The following FSTL5 variants were observed in gnomAD, a reference collection of about 807,000 sequenced individuals.
FSTL5 encodes the protein follistatin like 5.
A neutral mutation model predicts 89.1 loss-of-function variants in FSTL5; 62 were observed. The ratio of observed to expected loss-of-function variants is 0.70; its 90% confidence interval spans 0.57 to 0.86. The LOEUF (loss-of-function observed/expected upper bound fraction) is 0.86, where lower values mean the gene tolerates loss of function less well. Among genes scored for constraint, FSTL5 ranks in the 40% least tolerant of loss-of-function variants. The pLI is 0.00. For missense variants in FSTL5, 1,057 were observed against 1,001.6 expected (o/e 1.06, Z -0.75); for synonymous variants, 383 against 346.2 (o/e 1.11, Z -1.18).
chr4:161,920,637 T>C lies in FSTL5; in HGVS notation c.176A>G (p.Asp59Gly). 6.2e-7 allele frequency: 1 copy of C among 1,604,858 alleles called. No individual in the cohort carries two copies. Among genetic ancestry groups the C allele is most frequent in the Non-Finnish European group, 8.5e-7 (1 of 1,177,810 alleles). ...SSRVKGFMIQ[D>G]GPFGSCENKY... ...ATTTTCACAAGATCCAAAAGGGCCA[T>C]CCTGAATCATAAATCCTGAAGAATT... Residue 59 changes from aspartate (D) to glycine (G), a missense_variant, in exon 4 of 16, where the codon GAT becomes GGT. Physicochemically the swap from Asp to Gly is moderately conservative, Grantham distance 94. Coordinates refer to ENST00000306100, the MANE Select transcript of FSTL5 (RefSeq NM_020116.5).
At position 162,028,237 on chromosome 4, in the gene FSTL5, A is replaced by G. The variant is rs1429382252; in HGVS notation, c.160+5388T>C. ...ATCTTACAAACAATGATTAACTTCA[A>G]AAATAACTTTTTGGACTAAAAGTTA... On this transcript the variant is annotated intron_variant, in intron 3 of 15. Coordinates refer to ENST00000306100, the MANE Select transcript of FSTL5 (RefSeq NM_020116.5). 5.9e-5 allele frequency among the ~76,000 whole-genome samples: 9 copies of G among 152,304 alleles called. No homozygotes were observed. The South Asian group carries it at 1.9e-3, about 32-fold the overall frequency.
chr4:161,844,640 G>T (rs758912155), intron 4 of FSTL5, among the ~76,000 whole-genome samples: 17 of 152,166 alleles, frequency 1.1e-4, no homozygotes, highest in Middle Eastern at 3.4e-3. Context: ...CCTTTTGCAG[G>T]GACATGGATG....
chr4:161,466,624 C>T (rs1398501360), intron 13 of FSTL5, among the ~76,000 whole-genome samples: 5 of 152,112 alleles, frequency 3.3e-5, no homozygotes, highest in Non-Finnish European at 4.4e-5. Flanking sequence ...ACTCCATAGA[C>T]CATAAAATGA....
chr4:162,114,989 C>G (rs956477880), intron 1 of FSTL5, among the ~76,000 whole-genome samples: 1 of 152,104 alleles, frequency 6.6e-6, no homozygotes, highest in African/African-American at 2.4e-5. Flanking sequence ...GATTGATTTA[C>G]TGGTATCACA....
intron 6 of FSTL5, among the ~76,000 whole-genome samples, chr4:161,735,791 G>A (rs76630145): frequency 6.6e-6 from 1 of 151,970 alleles, no homozygotes; most frequent in African/African-American, 2.4e-5. Flanking sequence ...GTACAGACTC[G>A]CCAGGATATT....
At chr4:162,161,256 G>A (rs532972265) in intron 1 of FSTL5, among the ~76,000 whole-genome samples, 6 of 151,776 alleles carry the variant, frequency 4.0e-5, no homozygotes, top group African/African-American at 7.2e-5. Flanking sequence ...TTTCTTTGTG[G>A]ATCAAAGACT....
intron 1 of FSTL5, among the ~76,000 whole-genome samples, chr4:162,155,407 C>G (rs777683316): frequency 6.6e-6 from 1 of 152,126 alleles, no homozygotes; most frequent in Non-Finnish European, 1.5e-5. Flanking sequence ...AATAAAAACC[C>G]AGGGCTGGCA....
chr4:162,144,225 G>C (rs1007845528), intron 1 of FSTL5, among the ~76,000 whole-genome samples: 1 of 152,086 alleles, frequency 6.6e-6, no homozygotes, highest in Non-Finnish European at 1.5e-5. Context: ...AAGCATGTAC[G>C]CAAGGAACAA....
chr4:161,481,078 G>A lies in FSTL5; in HGVS notation c.1550C>T (p.Ala517Val), dbSNP rs1174499057. 6.2e-7 allele frequency: 1 copy of A among 1,613,116 alleles called. No individual in the cohort carries two copies. Among genetic ancestry groups the A allele is most frequent in the Non-Finnish European group, 8.5e-7 (1 of 1,179,390 alleles). Residue 517 changes from alanine to valine, a missense_variant, in exon 13 of 16, where the codon GCA becomes GTA. Physicochemically the swap from Ala to Val is moderately conservative, Grantham distance 64. Coordinates refer to ENST00000306100, the MANE Select transcript of FSTL5 (RefSeq NM_020116.5). Reference protein sequence around the residue: ...VNVKDKFIYVAQPTLDRVLIV... With the variant: ...VNVKDKFIYVVQPTLDRVLIV... ...AAGGACTCTGTCCAAAGTTGGCTGT[G>A]CAACATAAATGAACTTGTCTTTGAC...
intron 2 of FSTL5, among the ~76,000 whole-genome samples, chr4:162,094,505 G>T (rs1217846489): frequency 6.6e-6 from 1 of 152,076 alleles, no homozygotes; most frequent in Non-Finnish European, 1.5e-5. Context: ...AATTGCGCAT[G>T]AATTTTGTAT....
intron 4 of FSTL5, among the ~76,000 whole-genome samples, chr4:161,836,215 A>G (rs545455087): frequency 6.6e-6 from 1 of 150,662 alleles, no homozygotes; most frequent in Admixed American, 6.6e-5. Context: ...CAAAAAAACA[A>G]CCACTGCATA....
intron 6 of FSTL5, among the ~76,000 whole-genome samples, chr4:161,754,480 TA>T (rs893162443): frequency 2.6e-5 from 4 of 152,132 alleles, no homozygotes; most frequent in Non-Finnish European, 4.4e-5. Flanking sequence ...CATACAGTTT[TA>T]AAAGTTCATA....
At chr4:161,432,862 T>C (rs906252106) in intron 15 of FSTL5, among the ~76,000 whole-genome samples, 1 of 151,860 alleles carries the variant, frequency 6.6e-6, no homozygotes, top group African/African-American at 2.4e-5. Flanking sequence ...ATACATACAA[T>C]CTACCAAGAT....
At chr4:162,107,257 A>G (rs868292247) in intron 2 of FSTL5, among the ~76,000 whole-genome samples, 1 of 152,160 alleles carries the variant, frequency 6.6e-6, no homozygotes, top group African/African-American at 2.4e-5. Flanking sequence ...AAATTAGTAA[A>G]TATCTATGAA....
chr4:161,650,749 T>C (rs1000766052), intron 7 of FSTL5, among the ~76,000 whole-genome samples: 1 of 152,166 alleles, frequency 6.6e-6, no homozygotes, highest in African/African-American at 2.4e-5. Context: ...AAAACTAAAA[T>C]TGAAATCTAG....
At chr4:161,439,529 A>G (rs1560895816) in intron 15 of FSTL5, among the ~76,000 whole-genome samples, 1 of 152,228 alleles carries the variant, frequency 6.6e-6, no homozygotes, top group Non-Finnish European at 1.5e-5. Flanking sequence ...GGTTGTTATG[A>G]TTAAAAATGG....
chr4:161,711,119 A>G (rs1475784694), intron 6 of FSTL5, among the ~76,000 whole-genome samples: 1 of 149,634 alleles, frequency 6.7e-6, no homozygotes, highest in Non-Finnish European at 1.5e-5. Flanking sequence ...TAATAACCTA[A>G]TCTTCTGCCT....
chr4:161,538,381 T>C (rs909274285), intron 9 of FSTL5, 81 bp from the exon 10 acceptor site: 3 of 1,462,166 alleles, frequency 2.1e-6, no homozygotes, highest in African/African-American at 2.8e-5. Flanking sequence ...AGTCAAACAG[T>C]TCTCTTGGCT....
chr4:161,560,033 T>A (rs887559062), intron 8 of FSTL5, among the ~76,000 whole-genome samples: 3 of 140,492 alleles, frequency 2.1e-5, no homozygotes, highest in Non-Finnish European at 4.7e-5. Context: ...TAAAACATTA[T>A]GAGTTTTCTT....
Sources: gnomAD v4.1 joint callset for allele counts (sites outside exome capture counted in the v4.1 genomes callset) on GRCh38, gnomAD v4.1.1 for gene constraint, MANE v1.5 for transcripts, NCBI Gene and HGNC (gene_info 2026-07-23, HGNC 2026-07-21) for gene names.